CCS: variants seen among roughly 807,000 people sequenced by gnomAD.
CCS encodes the protein copper chaperone for superoxide dismutase, also known as superoxide dismutase copper chaperone.
CCS carries 32 observed loss-of-function variants against 35.5 expected under a neutral mutation model. That is an observed-to-expected ratio of 0.90 (90% CI 0.68 to 1.21). The LOEUF is 1.21. Among genes scored for constraint, CCS ranks in the 50% most tolerant of loss-of-function variants. The probability of loss-of-function intolerance (pLI) is 0.00; values close to 1 mark genes in which losing one functional copy is unlikely to be tolerated. For synonymous variants in CCS, 130 were observed against 147.2 expected (o/e 0.88, Z 0.84); for missense variants, 342 against 375.4 (o/e 0.91, Z 0.73).
In CCS at chr11:66,599,212, G is replaced by C. The variant is rs775873249; in HGVS notation, c.209G>C (p.Gly70Ala). 5.0e-6 allele frequency: 8 copies of C among 1,613,122 alleles called. No homozygotes were observed. In the Admixed American group the frequency reaches 1.2e-4, roughly 24 times the overall value. ...QEVQALLEGT[G>A]RQAVLKGMGS... ...GTGCAGGCTCTCCTGGAAGGCACGG[G>C]GCGGCAGGCGGTACTCAAGGGCATG... is the stretch of plus-strand genomic sequence containing the variant. Residue 70 changes from glycine to alanine, a missense_variant, in exon 3 of 8, where the codon GGG becomes GCG. By Grantham distance (60) the Gly-to-Ala change is moderately conservative. Coordinates refer to ENST00000533244, the MANE Select transcript of CCS (RefSeq NM_005125.2).
At chr11:66,597,986 C>T (rs1344615923) in intron 2 of CCS, among the ~76,000 whole-genome samples, 1 of 151,370 alleles carries the variant, frequency 6.6e-6, no homozygotes, top group African/African-American at 2.4e-5. Flanking sequence ...CGCAGTGGCT[C>T]ACGCCTGTAG....
chr11:66,605,379 G>A lies in CCS; in HGVS notation c.530G>A (p.Gly177Asp). ...DLGNVRADAD[G>D]RAIFRMEDEQ... Reference sequence around the variant, plus strand: ...GGCAATGTCCGTGCTGATGCTGACGGCCGCGCCATCTTCAGAATGGAGGAT... The same window carrying A: ...GGCAATGTCCGTGCTGATGCTGACGACCGCGCCATCTTCAGAATGGAGGAT... The change falls in exon 6 of 8, where the codon GGC becomes GAC. Residue 177 changes from glycine to aspartate, a missense_variant. Gly to Asp is a moderately conservative substitution (Grantham distance 94, BLOSUM62 -1). Transcript: ENST00000533244. The A allele has an allele frequency of 6.2e-7, 1 of 1,614,210 alleles. No individual in the cohort carries two copies. Among genetic ancestry groups the A allele is most frequent in the South Asian group, 1.1e-5 (1 of 91,084 alleles).
At chr11:66,595,339 G>A (rs562371633) in intron 2 of CCS, among the ~76,000 whole-genome samples, 8 of 152,286 alleles carry the variant, frequency 5.3e-5, no homozygotes, top group Admixed American at 2.0e-4. Context: ...CGCGTTTTGG[G>A]TGGTGAATGG....
chr11:66,596,466 G>A (rs1858479414), intron 2 of CCS, among the ~76,000 whole-genome samples: 1 of 149,366 alleles, frequency 6.7e-6, no homozygotes, highest in South Asian at 2.1e-4. Context: ...TGCAAGCTCC[G>A]CCTCCCGGGT....
intron 5 of CCS, 165 bp from the exon 6 acceptor site, chr11:66,605,174 C>G: frequency 2.0e-6 from 3 of 1,537,098 alleles, no homozygotes; most frequent in Non-Finnish European, 2.6e-6. Flanking sequence ...GAGGACCTTG[C>G]CTGCCCAGTC....
At chr11:66,594,354 G>A (rs760216202) in intron 2 of CCS, among the ~76,000 whole-genome samples, 5 of 151,846 alleles carry the variant, frequency 3.3e-5, no homozygotes, top group East Asian at 1.9e-4. Context: ...GTGAGACTCC[G>A]TCTCAAAAAA....
chr11:66,605,590 G>T lies in CCS; in HGVS notation c.669G>T (p.Glu223Asp), dbSNP rs772807257. The change falls in exon 7 of 8, where the codon GAG becomes GAT. Residue 223 changes from glutamate to aspartate, a missense_variant and splice_region_variant. Glu to Asp is a conservative substitution (Grantham distance 45, BLOSUM62 2). Coordinates refer to ENST00000533244, the MANE Select transcript of CCS (RefSeq NM_005125.2). ...PLSKITGNSGERLACGIIARS... is the reference protein window; with the variant it reads ...PLSKITGNSGDRLACGIIARS... ...CCAAGATCACAGGGAACTCCGGGGA[G>T]AGGTGAGTGGTGTCGGCCCCTGTAG... is the stretch of plus-strand genomic sequence containing the variant. 2 of 1,613,218 alleles carry T rather than the reference G, an allele frequency of 1.2e-6. No individual in the cohort carries two copies. Among genetic ancestry groups the T allele is most frequent in the Non-Finnish European group, 1.7e-6 (2 of 1,179,554 alleles).
chr11:66,603,043 G>A (rs1171771388), intron 5 of CCS, among the ~76,000 whole-genome samples: 1 of 152,212 alleles, frequency 6.6e-6, no homozygotes, highest in Non-Finnish European at 1.5e-5. Flanking sequence ...TGCACTAGAA[G>A]GATTGTTCTG....
Position 66,599,111 on chromosome 11 carries a change from G to A in CCS, c.113-5G>A. On this transcript the variant is annotated splice_polypyrimidine_tract_variant and splice_region_variant and intron_variant, in intron 2 of 7. Transcript: ENST00000533244. The stretch of plus-strand genomic sequence containing the variant: ...TGTTGCCCTCTTCCCTCTCTTTCTT[G>A]CCAGGTGTCCAGGATGTGGAGGTGC... 6.2e-7 allele frequency: 1 copy of A among 1,614,072 alleles called. No homozygotes were observed. The highest frequency in any genetic ancestry group is 8.5e-7 in the Non-Finnish European group (1 of 1,180,030).
Position 66,605,512 on chromosome 11 carries a change from C to A in CCS, c.591C>A (p.Ser197Arg). The A allele has an allele frequency of 2.5e-6, 4 of 1,614,070 alleles. No homozygotes were observed. The highest frequency in any genetic ancestry group is 2.5e-6 in the Non-Finnish European group (3 of 1,179,984). The part of the protein sequence containing the change: ...QLKVWDVIGR[S>R]LIIDEGEDDL... ...AGGTGTGGGATGTGATTGGCCGCAG[C>A]CTGATTATTGATGAGGGAGAAGATG... The change falls in exon 7 of 8, where the codon AGC (serine) becomes AGA (arginine). Residue 197 changes from serine to arginine, a missense_variant. Physicochemically the swap from Ser to Arg is moderately radical, Grantham distance 110 (BLOSUM62 -1). Coordinates refer to ENST00000533244, the MANE Select transcript of CCS (RefSeq NM_005125.2).
chr11:66,597,177 G>A (rs1417368779), intron 2 of CCS, among the ~76,000 whole-genome samples: 2 of 152,150 alleles, frequency 1.3e-5, no homozygotes, highest in East Asian at 1.9e-4. Flanking sequence ...GATATAATTC[G>A]GCTGGGCGCA....
Position 66,599,180 on chromosome 11 carries a change from C to T in CCS, c.177C>T (p.Ser59=). 1 of 1,614,006 alleles carries T rather than the reference C, an allele frequency of 6.2e-7. No homozygotes were observed. The highest frequency in any genetic ancestry group is 8.5e-7 in the Non-Finnish European group (1 of 1,180,004). ...TCTTGGTACACACCACTCTACCCAG[C>T]CAGGAGGTGCAGGCTCTCCTGGAAG... is the stretch of plus-strand genomic sequence containing the variant. ...QMVLVHTTLP[S]QEVQALLEGT... The change falls in exon 3 of 8, where the codon AGC becomes AGT. Residue 59 remains serine (S), a synonymous_variant. Transcript: ENST00000533244.
intron 2 of CCS, among the ~76,000 whole-genome samples, chr11:66,596,668 C>T (rs767982115): frequency 5.3e-5 from 8 of 152,216 alleles, no homozygotes; most frequent in Non-Finnish European, 1.2e-4. Context: ...GCATGAGCCA[C>T]CGCGCCCGGC....
chr11:66,603,389 A>G (rs1411315096), intron 5 of CCS, among the ~76,000 whole-genome samples: 1 of 152,118 alleles, frequency 6.6e-6, no homozygotes, highest in Admixed American at 6.6e-5. Context: ...AGGCTGGCCA[A>G]TATGGTGAAA....
Position 66,593,278 on chromosome 11 carries a change from G to T in CCS, c.17G>T (p.Gly6Val), listed in dbSNP as rs1448156238. MASDS[G>V]NQGTLCTLEF... is the part of the protein sequence containing the mutation. ...GGGTCCAGAATGGCTTCGGATTCGG[G>T]GAACCAGGGGACCCTCTGCACGGTG... The change falls in exon 1 of 8, where the codon GGG becomes GTG. Residue 6 changes from glycine (G) to valine (V), a missense_variant. Gly to Val is a moderately radical substitution (Grantham distance 109). Coordinates refer to ENST00000533244, the MANE Select transcript of CCS (RefSeq NM_005125.2). 1.3e-6 allele frequency: 2 copies of T among 1,558,360 alleles called. No individual in the cohort carries two copies. The highest frequency in any genetic ancestry group is 1.7e-6 in the Non-Finnish European group (2 of 1,152,070).
At chr11:66,603,687 A>G (rs1044895411) in intron 5 of CCS, among the ~76,000 whole-genome samples, 2 of 152,208 alleles carry the variant, frequency 1.3e-5, no homozygotes, top group African/African-American at 4.8e-5. Context: ...TCTACTAAAA[A>G]TACAAAAAAT....
chr11:66,596,540 C>T (rs1348677011), intron 2 of CCS, among the ~76,000 whole-genome samples: 1 of 152,076 alleles, frequency 6.6e-6, no homozygotes, highest in Non-Finnish European at 1.5e-5. Flanking sequence ...CCACCATGCC[C>T]GGCTAACTTT....
intron 2 of CCS, among the ~76,000 whole-genome samples, chr11:66,596,245 T>C (rs1282877999): frequency 1.3e-5 from 2 of 151,942 alleles, no homozygotes; most frequent in African/African-American, 2.4e-5. Context: ...TTTCATACTT[T>C]TACTAAAGAT....
chr11:66,604,244 C>T (rs558393341), intron 5 of CCS, among the ~76,000 whole-genome samples: 1 of 151,962 alleles, frequency 6.6e-6, no homozygotes, highest in Non-Finnish European at 1.5e-5. Context: ...CAAAACAAAA[C>T]AAGCAAAAAA....
Sources: allele counts gnomAD v4.1 joint callset (sites outside exome capture counted in the v4.1 genomes callset), GRCh38; gene constraint gnomAD v4.1.1; transcripts MANE v1.5; gene names NCBI Gene and HGNC (gene_info 2026-07-23, HGNC 2026-07-21).